The following TAX1BP1 variants were observed in gnomAD, a reference collection of about 807,000 sequenced individuals.
TAX1BP1 encodes tax1-binding protein 1.
A neutral mutation model predicts 97.7 loss-of-function variants in TAX1BP1; 62 were observed. The ratio of observed to expected loss-of-function variants is 0.63; its 90% CI spans 0.52 to 0.78. TAX1BP1 has a LOEUF of 0.78. Among genes scored for constraint, TAX1BP1 ranks in the 30% least tolerant of loss-of-function variants. TAX1BP1 has a pLI of 0.00. For synonymous variants in TAX1BP1, 340 were observed against 304.2 expected (o/e 1.12, Z -1.23); for missense variants, 867 against 916.1 (o/e 0.95, Z 0.69).
chr7:27,755,205 A>G (rs1365718633), intron 2 of TAX1BP1, among the ~76,000 whole-genome samples: 5 of 152,116 alleles, frequency 3.3e-5, no homozygotes, highest in African/African-American at 1.2e-4. Context: ...CTGTTGTTGT[A>G]TGTTTCTGGA....
intron 1 of TAX1BP1, among the ~76,000 whole-genome samples, chr7:27,745,135 A>T (rs141033774): frequency 6.8e-4 from 104 of 152,332 alleles, no homozygotes; most frequent in African/African-American, 2.4e-3. Context: ...GAGAAGGGGA[A>T]TCAGAATTTG....
intron 11 of TAX1BP1, 128 bp from the exon 12 acceptor site, chr7:27,795,988 A>T: frequency 1.5e-6 from 1 of 647,474 alleles, no homozygotes; most frequent in Non-Finnish European, 2.7e-6. Flanking sequence ...ATATGAATAG[A>T]TATTTCTGTC....
intron 1 of TAX1BP1, among the ~76,000 whole-genome samples, chr7:27,746,081 A>T (rs944199609): frequency 2.6e-5 from 4 of 151,942 alleles, no homozygotes; most frequent in African/African-American, 4.8e-5. Flanking sequence ...CTTGTTTTAT[A>T]AAAAAAATAG....
chr7:27,813,102 A>T (rs551597213), intron 13 of TAX1BP1, among the ~76,000 whole-genome samples: 1 of 148,354 alleles, frequency 6.7e-6, no homozygotes, highest in South Asian at 2.1e-4. Context: ...GCTTTATAAT[A>T]CGTCTTGAAA....
In TAX1BP1 at chr7:27,816,627, CATT is replaced by C; in HGVS notation, c.1936+111_1936+113del. The stretch of plus-strand genomic sequence containing the variant: ...CTGGTATAATCAACCCTAATACAAA[CATT>C]ATTTTATTTGTATAATTAGCAGTTT... On this transcript the variant is annotated intron_variant, in intron 14 of 16. Coordinates refer to ENST00000396319, the MANE Select transcript of TAX1BP1 (RefSeq NM_006024.7). The C allele has an allele frequency of 4.8e-6, 5 of 1,046,916 alleles. No homozygotes were observed. The South Asian group carries it at 5.5e-5, about 11-fold the overall frequency. 64.9% of individuals were successfully genotyped at this position (1,046,916 alleles called of 1,614,324 possible). A position where few individuals can be genotyped will look rare whatever the true frequency, so the allele number is the denominator to read the frequency against.
At chr7:27,767,843 G>A (rs1788697872) in intron 4 of TAX1BP1, among the ~76,000 whole-genome samples, 1 of 151,996 alleles carries the variant, frequency 6.6e-6, no homozygotes, top group South Asian at 2.1e-4. Flanking sequence ...TGTTTCTTAA[G>A]TAAATATTTC....
chr7:27,764,789 T>C (rs1788559396), intron 3 of TAX1BP1, among the ~76,000 whole-genome samples: 1 of 151,878 alleles, frequency 6.6e-6, no homozygotes, highest in South Asian at 2.1e-4. Flanking sequence ...TTCTTCTCCA[T>C]GGAATCATTA....
intron 7 of TAX1BP1, 134 bp downstream of exon 7, chr7:27,785,623 T>A: frequency 1.4e-6 from 1 of 716,690 alleles, no homozygotes; most frequent in Non-Finnish European, 2.3e-6. Flanking sequence ...GTAGTTGCAG[T>A]CAGGATGTTG....
chr7:27,786,321 G>A (rs1423561549), intron 7 of TAX1BP1, among the ~76,000 whole-genome samples: 3 of 151,952 alleles, frequency 2.0e-5, no homozygotes, highest in African/African-American at 7.3e-5. Context: ...TTTTAGTAGA[G>A]ACGAGGTTTC....
chr7:27,818,096 G>T (rs7784038), intron 15 of TAX1BP1, among the ~76,000 whole-genome samples: 1 of 152,056 alleles, frequency 6.6e-6, no homozygotes, highest in African/African-American at 2.4e-5. Flanking sequence ...CACATTTTGC[G>T]TATTTAATCT....
intron 5 of TAX1BP1, among the ~76,000 whole-genome samples, chr7:27,784,672 C>A (rs915741654): frequency 6.6e-6 from 1 of 152,028 alleles, no homozygotes; most frequent in Non-Finnish European, 1.5e-5. Flanking sequence ...ATACAGGGTA[C>A]ATGAAAAGTC....
At chr7:27,752,461 G>T (rs555095682) in intron 2 of TAX1BP1, among the ~76,000 whole-genome samples, 161 of 152,322 alleles carry the variant, frequency 1.1e-3, no homozygotes, top group African/African-American at 3.7e-3. Flanking sequence ...AGTGCCAGAA[G>T]TGGCTGTCAT....
chr7:27,754,775 G>A (rs1380468738), intron 2 of TAX1BP1, among the ~76,000 whole-genome samples: 1 of 151,886 alleles, frequency 6.6e-6, no homozygotes, highest in Non-Finnish European at 1.5e-5. Flanking sequence ...AGTAGAGACG[G>A]GGTTTCACCG....
chr7:27,788,055 A>G (rs367623124), intron 8 of TAX1BP1, among the ~76,000 whole-genome samples: 2 of 151,856 alleles, frequency 1.3e-5, no homozygotes, highest in South Asian at 4.1e-4. Flanking sequence ...TATTATTTTG[A>G]TTGTTGTATT....
intron 4 of TAX1BP1, among the ~76,000 whole-genome samples, chr7:27,766,374 C>T (rs35522353): frequency 8.6e-4 from 107 of 124,250 alleles, no homozygotes; most frequent in Middle Eastern, 0.011. Context: ...GAGCCAAGAT[C>T]GTGCCACTGC....
upstream of TAX1BP1, chr7:27,739,919 A>C (rs1447706275): frequency 6.6e-6 from 1 of 152,294 alleles, no homozygotes; most frequent in Non-Finnish European, 1.5e-5. Flanking sequence ...TGTCAAAATA[A>C]TAACATAAAA....
At chr7:27,786,981 C>G (rs1789510978) in intron 7 of TAX1BP1, among the ~76,000 whole-genome samples, 1 of 152,198 alleles carries the variant, frequency 6.6e-6, no homozygotes, top group Non-Finnish European at 1.5e-5. Flanking sequence ...TGATATCGTA[C>G]TTTTCGCCTG....
chr7:27,742,136 C>G lies in TAX1BP1; in HGVS notation c.-8+1867C>G, dbSNP rs547914865. Among the ~76,000 whole-genome samples the G allele has an allele frequency of 2.6e-5, 4 of 152,310 alleles. No homozygotes were observed. The East Asian group carries it at 7.7e-4, about 29-fold the overall frequency. ...GGGACGGGCAGGAGACAGATGCCTT[C>G]CTCTTGTCTCAACTGCAAGAGGCAT... On this transcript the variant is annotated intron_variant, in intron 1 of 16. Coordinates refer to ENST00000396319, the MANE Select transcript of TAX1BP1 (RefSeq NM_006024.7).
At chr7:27,797,844 C>CT (rs67838846) in intron 12 of TAX1BP1, among the ~76,000 whole-genome samples, 5,546 of 135,296 alleles carry the variant, frequency 0.041, 148 homozygotes, top group Admixed American at 0.083. Context: ...CCTCAGGGTG[C>CT]TTTTTTTTTT....
Sources: allele counts gnomAD v4.1 joint callset (sites outside exome capture counted in the v4.1 genomes callset), GRCh38; gene constraint gnomAD v4.1.1; transcripts MANE v1.5; gene names NCBI Gene and HGNC (gene_info 2026-07-23, HGNC 2026-07-21).